Variants in TRPM3 observed in about 807,000 individuals in gnomAD.
TRPM3 encodes long transient receptor potential channel 3.
TRPM3 carries 77 observed loss-of-function variants against 181.2 expected under a neutral mutation model. That is an observed-to-expected ratio of 0.42 (90% confidence interval 0.35 to 0.51). The LOEUF is 0.51. Ranked by LOEUF, TRPM3 falls within the 20% of genes least tolerant of loss-of-function variation. The pLI is 0.01. For synonymous variants in TRPM3, 745 were observed against 796.4 expected, an observed-to-expected ratio of 0.94 and a Z score of 1.09; for missense variants, 1,759 against 2,196.7, an observed-to-expected ratio of 0.80 and a Z score of 3.98.
At chr9:71,203,613 G>T (rs1180010000) in intron 1 of TRPM3, among the ~76,000 whole-genome samples, 1 of 152,080 alleles carries the variant, frequency 6.6e-6, no homozygotes, top group African/African-American at 2.4e-5. Context: ...GTGACCTTAG[G>T]CATGTTACTT....
intron 1 of TRPM3, among the ~76,000 whole-genome samples, chr9:71,074,322 T>C (rs543599891): frequency 1.1e-4 from 16 of 152,226 alleles, no homozygotes; most frequent in Non-Finnish European, 2.2e-4. Flanking sequence ...GTTAAAGATC[T>C]TTGCTTATTC....
intron 9 of TRPM3, 133 bp downstream of exon 9, chr9:70,681,373 G>A (rs561170578): frequency 2.9e-6 from 2 of 699,540 alleles, no homozygotes; most frequent in East Asian, 5.3e-5. Flanking sequence ...TCTTACAGGA[G>A]AGACCCCTAT....
At chr9:70,685,621 G>A (rs369375105) in intron 8 of TRPM3, among the ~76,000 whole-genome samples, 6 of 152,178 alleles carry the variant, frequency 3.9e-5, no homozygotes, top group East Asian at 1.9e-4. Context: ...TGCCCAGAGC[G>A]ATCTCAAACT....
chr9:70,787,448 T>G (rs1302723493), intron 6 of TRPM3, among the ~76,000 whole-genome samples: 1 of 152,230 alleles, frequency 6.6e-6, no homozygotes, highest in East Asian at 1.9e-4. Flanking sequence ...TTTGAATTTC[T>G]TAGTTATGAG....
intron 1 of TRPM3, among the ~76,000 whole-genome samples, chr9:71,250,572 T>C (rs1200951207): frequency 6.6e-6 from 1 of 152,198 alleles, no homozygotes; most frequent in Non-Finnish European, 1.5e-5. Context: ...ATATTTCTTA[T>C]GCCTTGTTCA....
chr9:71,423,119 A>G (rs1406660655), intron 1 of TRPM3, among the ~76,000 whole-genome samples: 7 of 152,070 alleles, frequency 4.6e-5, no homozygotes, highest in African/African-American at 1.7e-4. Context: ...TCAAAGAAAA[A>G]TTCTGGAGTT....
chr9:71,278,990 G>A (rs2084445136), intron 1 of TRPM3, among the ~76,000 whole-genome samples: 1 of 139,244 alleles, frequency 7.2e-6, no homozygotes, highest in Non-Finnish European at 1.5e-5. Flanking sequence ...AGATTGGTAA[G>A]ACTCATGTCA....
intron 1 of TRPM3, among the ~76,000 whole-genome samples, chr9:70,886,839 A>G (rs1422130558): frequency 6.6e-6 from 1 of 151,900 alleles, no homozygotes; most frequent in Non-Finnish European, 1.5e-5. Flanking sequence ...TAATTTTTGT[A>G]TATTTAGTAG....
intron 1 of TRPM3, among the ~76,000 whole-genome samples, chr9:71,149,313 G>A (rs2075602217): frequency 6.6e-6 from 1 of 152,142 alleles, no homozygotes; most frequent in Admixed American, 6.6e-5. Context: ...TGAGGTGGGA[G>A]GATCACTTGG....
chr9:71,147,424 GAC>G (rs34795244), intron 1 of TRPM3, among the ~76,000 whole-genome samples: 5,562 of 145,000 alleles, frequency 0.038, 339 homozygotes, highest in African/African-American at 0.13. Flanking sequence ...GCAACACACA[GAC>G]ACACACACAC....
intron 21 of TRPM3, among the ~76,000 whole-genome samples, chr9:70,598,060 C>T (rs887592139): frequency 1.1e-4 from 17 of 152,178 alleles, no homozygotes; most frequent in African/African-American, 4.1e-4. Context: ...ATACACATCT[C>T]TATTACAGCA....
At chr9:71,151,721 G>T (rs1205528955) in intron 1 of TRPM3, among the ~76,000 whole-genome samples, 1 of 152,038 alleles carries the variant, frequency 6.6e-6, no homozygotes, top group African/African-American at 2.4e-5. Flanking sequence ...AGCCATAGAA[G>T]AATGGTTAAC....
Position 70,864,514 on chromosome 9 carries a change from G to GAAAAATA in TRPM3, c.178-4_178-3insTATTTTT. On this transcript the variant is annotated splice_region_variant and splice_polypyrimidine_tract_variant and intron_variant, in intron 1 of 25. Transcript: ENST00000677713. ...CTTTCTATCCAGGATTTCTGAGCCT[G>GAAAAATA]AAAAAGAAAACAAAAAAAAAAAAAA... 3.4e-6 allele frequency: 2 copies of GAAAAATA among 590,264 alleles called. No homozygotes were observed. The highest frequency in any genetic ancestry group is 4.3e-6 in the Non-Finnish European group (2 of 466,262). The allele number at this position is 590,264 out of a possible 1,614,324, so 36.6% of individuals were successfully genotyped here. A position where few individuals can be genotyped will look rare whatever the true frequency, so the allele number is the denominator to read the frequency against.
In TRPM3 at chr9:70,856,156, C is replaced by T. The variant is rs568520711; in HGVS notation, c.462+6752G>A. The stretch of plus-strand genomic sequence containing the variant: ...ATTATTTAGCATAACATTTTCTAGA[C>T]GCAAAGATAGGATGGTTTCTTGGAT... On this transcript the variant is annotated intron_variant, in intron 3 of 25. Transcript: ENST00000677713. Among the ~76,000 whole-genome samples, 14 of 152,284 alleles carry T rather than the reference C, an allele frequency of 9.2e-5. No individual in the cohort carries two copies. In the South Asian group the frequency reaches 1.2e-3, roughly 14 times the overall value.
intron 22 of TRPM3, among the ~76,000 whole-genome samples, chr9:70,572,852 T>G (rs1321535194): frequency 1.3e-5 from 2 of 152,152 alleles, no homozygotes; most frequent in Middle Eastern, 3.2e-3. Flanking sequence ...CTAAAGACAG[T>G]AAGTAACTAG....
At chr9:71,230,383 G>A (rs1235426005) in intron 1 of TRPM3, among the ~76,000 whole-genome samples, 1 of 151,824 alleles carries the variant, frequency 6.6e-6, no homozygotes, top group Non-Finnish European at 1.5e-5. Context: ...TAGAAAATAT[G>A]AATAAGATCT....
chr9:70,577,244 T>G (rs556811982), intron 22 of TRPM3, among the ~76,000 whole-genome samples: 1 of 152,316 alleles, frequency 6.6e-6, no homozygotes, highest in South Asian at 2.1e-4. Flanking sequence ...AATAAATGCA[T>G]GATGTGGTCC....
intron 9 of TRPM3, among the ~76,000 whole-genome samples, chr9:70,644,558 C>G (rs934067164): frequency 6.6e-6 from 1 of 152,126 alleles, no homozygotes; most frequent in Non-Finnish European, 1.5e-5. Context: ...GAATGTATCT[C>G]AAAATAATAA....
In TRPM3 at chr9:70,584,356, C is replaced by T. The variant is rs2056664379; in HGVS notation, c.3223+6675G>A. 2.0e-5 allele frequency among the ~76,000 whole-genome samples: 3 copies of T among 152,140 alleles called. No homozygotes were observed. In the South Asian group the frequency reaches 6.2e-4, roughly 32 times the overall value. ...TCTGCATTTTTATTGATATTCTTTG[C>T]CTTTTCCAAACCACTGTTTTTCACT... On this transcript the variant is annotated intron_variant, in intron 22 of 25. Coordinates refer to ENST00000677713, the MANE Select transcript of TRPM3 (RefSeq NM_001366145.2).
Sources: gnomAD v4.1 joint callset for allele counts (sites outside exome capture counted in the v4.1 genomes callset) on GRCh38, gnomAD v4.1.1 for gene constraint, MANE v1.5 for transcripts, NCBI Gene and HGNC (gene_info 2026-07-23, HGNC 2026-07-21) for gene names.